Variants in CCDC3 observed in about 807,000 individuals in gnomAD.
CCDC3 encodes the protein coiled-coil domain-containing protein 3.
A neutral mutation model predicts 21.4 loss-of-function variants in CCDC3; 24 were observed. That is an observed-to-expected ratio of 1.12 (90% CI 0.81 to 1.58). The LOEUF is 1.58. Ranked by LOEUF, CCDC3 falls within the 40% of genes most tolerant of loss-of-function variation. CCDC3 has a pLI of 0.00. For synonymous variants in CCDC3, 186 were observed against 166.0 expected, an observed-to-expected ratio of 1.12 and a Z score of -0.93; for missense variants, 425 against 360.9, an observed-to-expected ratio of 1.18 and a Z score of -1.44.
chr10:12,955,889 A>T (rs1211350708), intron 2 of CCDC3, among the ~76,000 whole-genome samples: 1 of 152,044 alleles, frequency 6.6e-6, no homozygotes, highest in Non-Finnish European at 1.5e-5. Flanking sequence ...TTATATTTTT[A>T]GTAGAGATGG....
At position 13,001,299 on chromosome 10, in the gene CCDC3, A is replaced by G; in HGVS notation, c.272T>C (p.Leu91Pro). The change falls in exon 1 of 3, where the codon CTG becomes CCG. Residue 91 changes from leucine (L) to proline (P), a missense_variant. Leu to Pro is a moderately conservative substitution (Grantham distance 98). Transcript: ENST00000378825. ...MLCDQAWGSM[L>P]EVPAGSRLNL... Reference sequence around the variant, plus strand: ...GAGCCTGGAGCCGGCGGGCACCTCCAGCATGCTGCCCCACGCCTGGTCGCA... The same window carrying G: ...GAGCCTGGAGCCGGCGGGCACCTCCGGCATGCTGCCCCACGCCTGGTCGCA... 6.2e-7 allele frequency: 1 copy of G among 1,606,270 alleles called. No individual in the cohort carries two copies. Among genetic ancestry groups the G allele is most frequent in the Non-Finnish European group, 8.5e-7 (1 of 1,177,592 alleles).
rs148725564 is a variant in CCDC3 at position 12,908,919 on chromosome 10, C to T, written c.550-10240G>A. The stretch of plus-strand genomic sequence containing the variant: ...AACTGTGATTTCTTAATGCTGACCA[C>T]TGTCCATGGTGAGTGCAGAGAAGGT... On this transcript the variant is annotated intron_variant, in intron 2 of 2. Transcript: ENST00000378825. 1.2e-3 allele frequency among the ~76,000 whole-genome samples: 183 copies of T among 152,250 alleles called. 1 individual carries two copies. The highest frequency in any genetic ancestry group is 4.1e-3 in the African/African-American group (172 of 41,538).
At chr10:12,991,085 C>T (rs963062978) in intron 2 of CCDC3, among the ~76,000 whole-genome samples, 1 of 152,186 alleles carries the variant, frequency 6.6e-6, no homozygotes, top group Non-Finnish European at 1.5e-5. Flanking sequence ...TTGAGGATCT[C>T]AGCACACTTG....
At chr10:12,917,180 C>CTTTTTTTTTTTTTTTT (rs56054100) in intron 2 of CCDC3, among the ~76,000 whole-genome samples, 3 of 58,224 alleles carry the variant, frequency 5.2e-5, no homozygotes, top group African/African-American at 2.0e-4. Context: ...ATTTCTTCTT[C>CTTTTTTTTTTTTTTTT]TTTTTTTTTT....
At chr10:12,939,274 A>G (rs1025132710) in intron 2 of CCDC3, among the ~76,000 whole-genome samples, 24 of 152,214 alleles carry the variant, frequency 1.6e-4, no homozygotes, top group African/African-American at 5.8e-4. Context: ...ACTTCTGTCC[A>G]GTCCATCAGA....
At position 13,034,486 on chromosome 10, in the gene CCDC3, T is replaced by C. The variant is rs560167678; in HGVS notation, c.-2+15188A>G. Among the ~76,000 whole-genome samples the C allele has an allele frequency of 2.5e-4, 37 of 145,100 alleles. No homozygotes were observed. The East Asian group carries it at 7.1e-3, about 28-fold the overall frequency. On this transcript the variant is annotated intron_variant, in intron 5 of 6. Transcript: ENST00000378839. ...TGCACATGCACCCTAGAACTTAAAGTATAATTTTAAAAAAGAATTCCCCCA... is the reference window on the plus strand; with the variant it reads ...TGCACATGCACCCTAGAACTTAAAGCATAATTTTAAAAAAGAATTCCCCCA...
intron 2 of CCDC3, among the ~76,000 whole-genome samples, chr10:12,991,281 T>A (rs1324436083): frequency 6.6e-6 from 1 of 152,106 alleles, no homozygotes; most frequent in Non-Finnish European, 1.5e-5. Flanking sequence ...TGCTATATAT[T>A]CCACCAAAGC....
At chr10:13,034,466 A>C (rs1191065149) in intron 5 of CCDC3, among the ~76,000 whole-genome samples, 5 of 151,510 alleles carry the variant, frequency 3.3e-5, no homozygotes, top group Non-Finnish European at 1.5e-5. Context: ...CATTGTGCAC[A>C]TGCACCCTAG....
intron 5 of CCDC3, among the ~76,000 whole-genome samples, chr10:13,037,121 A>G (rs1488357136): frequency 6.6e-6 from 1 of 152,078 alleles, no homozygotes; most frequent in Non-Finnish European, 1.5e-5. Context: ...CACATAACTA[A>G]TTCCCATGTT....
intron 2 of CCDC3, among the ~76,000 whole-genome samples, chr10:12,996,687 A>G (rs1188954600): frequency 6.6e-6 from 1 of 152,170 alleles, no homozygotes; most frequent in Non-Finnish European, 1.5e-5. Context: ...GCTTCTGTGC[A>G]AGAGCATGAA....
In CCDC3 at chr10:12,998,419, G is replaced by A; in HGVS notation, c.468C>T (p.Ser156=). 1 of 1,614,192 alleles carries A rather than the reference G, an allele frequency of 6.2e-7. No individual in the cohort carries two copies. Among genetic ancestry groups the A allele is most frequent in the Non-Finnish European group, 8.5e-7 (1 of 1,180,030 alleles). ...DTQENRRMFS[S]LFQFSNCSQG... ...GCGAACAGTTTGAAAACTGGAAAAG[G>A]CTAGAAAACATCCTTCTGTTCTCTT... The change falls in exon 2 of 3, where the codon AGC becomes AGT. Residue 156 remains serine (S), a synonymous_variant. Transcript: ENST00000378825.
chr10:12,931,611 A>C (rs998014572), intron 2 of CCDC3, among the ~76,000 whole-genome samples: 2 of 152,254 alleles, frequency 1.3e-5, no homozygotes, highest in Non-Finnish European at 2.9e-5. Context: ...GGGCTAAATC[A>C]GTGGTGTTCT....
intron 5 of CCDC3, among the ~76,000 whole-genome samples, chr10:13,016,346 A>C (rs904838893): frequency 9.2e-5 from 14 of 151,808 alleles, no homozygotes; most frequent in African/African-American, 3.4e-4. Flanking sequence ...AAAAAAAAAA[A>C]AAAAAACACA....
intron 5 of CCDC3, among the ~76,000 whole-genome samples, chr10:13,039,619 T>C (rs1264341201): frequency 6.6e-6 from 1 of 152,212 alleles, no homozygotes; most frequent in African/African-American, 2.4e-5. Flanking sequence ...GATGTTTTTC[T>C]GCTGCTTTGC....
rs568836676 is a variant in CCDC3 at position 13,045,963 on chromosome 10, C to T, written c.-2+3711G>A. Among the ~76,000 whole-genome samples the T allele has an allele frequency of 3.3e-5, 5 of 151,996 alleles. No individual in the cohort carries two copies. The East Asian group carries it at 9.8e-4, about 30-fold the overall frequency. On this transcript the variant is annotated intron_variant, in intron 5 of 6. Coordinates refer to the CCDC3 transcript ENST00000378839. The stretch of plus-strand genomic sequence containing the variant: ...AATTAGCCGGGTGCGGTGGCATGCA[C>T]CTGAAATCCCAGCTACTCAGGAAGG...
At chr10:13,084,170 T>C (rs1240556283) in intron 3 of CCDC3, among the ~76,000 whole-genome samples, 2 of 152,214 alleles carry the variant, frequency 1.3e-5, no homozygotes, top group Non-Finnish European at 2.9e-5. Context: ...TGATCTTCTT[T>C]ATCCTACATA....
intron 2 of CCDC3, among the ~76,000 whole-genome samples, chr10:12,933,618 G>C (rs1343590823): frequency 1.3e-5 from 2 of 151,848 alleles, no homozygotes; most frequent in African/African-American, 4.8e-5. Context: ...AACCACGCCA[G>C]GATAATATTT....
intron 3 of CCDC3, among the ~76,000 whole-genome samples, chr10:13,084,190 T>C (rs986969905): frequency 2.0e-5 from 3 of 152,168 alleles, no homozygotes; most frequent in African/African-American, 7.2e-5. Context: ...AAATGAGTAT[T>C]ATACCTAGGG....
chr10:13,034,540 AAT>A (rs1491077297), intron 5 of CCDC3, among the ~76,000 whole-genome samples: 9 of 150,538 alleles, frequency 6.0e-5, no homozygotes, highest in South Asian at 4.2e-4. Context: ...AAAAAAAAAA[AAT>A]GGGTACATTT....
Sources: gnomAD v4.1 joint callset for allele counts (sites outside exome capture counted in the v4.1 genomes callset) on GRCh38, gnomAD v4.1.1 for gene constraint, MANE v1.5 for transcripts, NCBI Gene and HGNC (gene_info 2026-07-23, HGNC 2026-07-21) for gene names.